The following PLBD1 variants were observed in gnomAD, a reference collection of about 807,000 sequenced individuals.
PLBD1 encodes the protein lysosomal leucine aminopeptidase.
In PLBD1, 60 loss-of-function variants were observed where a neutral mutation model predicts 63.0. The observed-to-expected ratio is 0.95, with a 90% CI of 0.77 to 1.18. The LOEUF (loss-of-function observed/expected upper bound fraction) is 1.18. Ranked by LOEUF, PLBD1 falls within the 50% of genes most tolerant of loss-of-function variation. PLBD1 has a pLI of 0.00. For missense variants in PLBD1, 598 were observed against 677.9 expected (o/e 0.88, Z 1.31); for synonymous variants, 262 against 248.0 (o/e 1.06, Z -0.53).
chr12:14,540,419 G>A (rs11056018), intron 4 of PLBD1, among the ~76,000 whole-genome samples: 44,193 of 151,480 alleles, frequency 0.29, 6,878 homozygotes, highest in South Asian at 0.52. Context: ...CATAGAACTT[G>A]TATACTTAAA....
chr12:14,563,742 G>C (rs1945760542), intron 1 of PLBD1, among the ~76,000 whole-genome samples: 1 of 151,476 alleles, frequency 6.6e-6, no homozygotes, highest in Non-Finnish European at 1.5e-5. Flanking sequence ...AGTACATATA[G>C]AGAAAATAAC....
intron 6 of PLBD1, among the ~76,000 whole-genome samples, chr12:14,524,885 T>A (rs1452554206): frequency 6.6e-6 from 1 of 152,228 alleles, no homozygotes; most frequent in Non-Finnish European, 1.5e-5. Context: ...AAATTCTAGA[T>A]CTGAAAAGTA....
chr12:14,527,072 T>C (rs914011318), intron 6 of PLBD1, among the ~76,000 whole-genome samples: 1 of 152,192 alleles, frequency 6.6e-6, no homozygotes, highest in African/African-American at 2.4e-5. Flanking sequence ...TTAGAACATA[T>C]ATATATTTTG....
chr12:14,507,297 C>T (rs1945264391), intron 8 of PLBD1, among the ~76,000 whole-genome samples, 179 bp from the exon 9 acceptor site: 1 of 152,152 alleles, frequency 6.6e-6, no homozygotes, highest in African/African-American at 2.4e-5. Context: ...GCCAAACAGC[C>T]TTTTAAATTT....
intron 2 of PLBD1, among the ~76,000 whole-genome samples, chr12:14,552,858 T>C (rs968979446): frequency 1.3e-5 from 2 of 152,182 alleles, no homozygotes; most frequent in African/African-American, 4.8e-5. Context: ...CAGGTACTGA[T>C]TATGGGAGCA....
At chr12:14,540,106 T>TTTTTTATATATATATATA (rs71448876) in intron 4 of PLBD1, among the ~76,000 whole-genome samples, 82 of 64,032 alleles carry the variant, frequency 1.3e-3, no homozygotes, top group African/African-American at 4.2e-3. Flanking sequence ...AATATAAATA[T>TTTTTTATATATATATATA]TATTTATATA....
At chr12:14,557,440 G>T (rs1285694561) in intron 1 of PLBD1, among the ~76,000 whole-genome samples, 2 of 152,132 alleles carry the variant, frequency 1.3e-5, no homozygotes, top group Non-Finnish European at 2.9e-5. Flanking sequence ...ACTGGATAAA[G>T]AAATTGTGGT....
chr12:14,511,751 A>G (rs1945300159), intron 6 of PLBD1, 40 bp from the exon 7 acceptor site: 1 of 1,534,110 alleles, frequency 6.5e-7, no homozygotes, highest in Non-Finnish European at 9.0e-7. Context: ...ATATGTATAC[A>G]TGGAACAGTG....
chr12:14,543,160 T>G (rs1007977470), intron 2 of PLBD1, among the ~76,000 whole-genome samples: 22 of 152,194 alleles, frequency 1.4e-4, no homozygotes, highest in African/African-American at 5.3e-4. Flanking sequence ...TTGTCCCCTC[T>G]TTCATGTTTT....
chr12:14,508,644 C>T (rs992927092), intron 8 of PLBD1, among the ~76,000 whole-genome samples: 53 of 152,086 alleles, frequency 3.5e-4, no homozygotes, highest in Non-Finnish European at 6.0e-4. Flanking sequence ...GGGGTGCACA[C>T]CTGTGGTCCC....
At chr12:14,545,696 C>T (rs1196481615) in intron 2 of PLBD1, among the ~76,000 whole-genome samples, 1 of 152,026 alleles carries the variant, frequency 6.6e-6, no homozygotes, top group Non-Finnish European at 1.5e-5. Flanking sequence ...CTAGTTGTTT[C>T]CAGAACTGAA....
intron 2 of PLBD1, among the ~76,000 whole-genome samples, chr12:14,548,309 T>C (rs1382201367): frequency 6.6e-6 from 1 of 151,612 alleles, no homozygotes; most frequent in African/African-American, 2.4e-5. Flanking sequence ...ATACAAAAAT[T>C]AGCTGGGAGT....
intron 1 of PLBD1, 55 bp downstream of exon 1, chr12:14,567,527 A>G (rs1945801127): frequency 1.4e-6 from 2 of 1,429,962 alleles, no homozygotes. Flanking sequence ...ACGGGCGCTA[A>G]CAGGCTCCTA....
At chr12:14,562,600 G>A (rs1473889384) in intron 1 of PLBD1, among the ~76,000 whole-genome samples, 2 of 151,804 alleles carry the variant, frequency 1.3e-5, no homozygotes, top group Non-Finnish European at 2.9e-5. Flanking sequence ...CTGTTTTGCA[G>A]TAGTAAAAAG....
chr12:14,537,934 C>T (rs894580245), intron 4 of PLBD1, among the ~76,000 whole-genome samples: 1 of 152,000 alleles, frequency 6.6e-6, no homozygotes, highest in Non-Finnish European at 1.5e-5. Flanking sequence ...TCTAGTTAAT[C>T]ATTTTTACTA....
intron 6 of PLBD1, among the ~76,000 whole-genome samples, chr12:14,535,397 T>C (rs1945505020): frequency 6.6e-6 from 1 of 152,228 alleles, no homozygotes; most frequent in Non-Finnish European, 1.5e-5. Flanking sequence ...CAGTTGGCAT[T>C]TGTTGAAATA....
intron 2 of PLBD1, among the ~76,000 whole-genome samples, chr12:14,552,162 A>C (rs1945664655): frequency 6.6e-6 from 1 of 152,188 alleles, no homozygotes; most frequent in Admixed American, 6.6e-5. Flanking sequence ...AGTTTGGTTA[A>C]ACTGCACTCA....
At chr12:14,534,511 G>C (rs1007070695) in intron 6 of PLBD1, among the ~76,000 whole-genome samples, 1 of 150,864 alleles carries the variant, frequency 6.6e-6, no homozygotes, top group Non-Finnish European at 1.5e-5. Context: ...TCATATGTTT[G>C]CTACCATTGT....
Position 14,547,907 on chromosome 12 carries a change from C to T in PLBD1, c.335+5286G>A, listed in dbSNP as rs118072179. On this transcript the variant is annotated intron_variant, in intron 2 of 10. Coordinates refer to ENST00000240617, the MANE Select transcript of PLBD1 (RefSeq NM_024829.6). ...ACTCTGGGGCTAGATAGCCTCCTTT[C>T]CAATCCTGGCTCCTACTCACAAGCG... Among the ~76,000 whole-genome samples, 1,354 of 152,246 alleles carry T rather than the reference C, an allele frequency of 8.9e-3. 9 individuals carry two copies. The highest frequency in any genetic ancestry group is 0.014 in the Non-Finnish European group (949 of 68,014).
Sources: gnomAD v4.1 joint callset for allele counts (sites outside exome capture counted in the v4.1 genomes callset) on GRCh38, gnomAD v4.1.1 for gene constraint, MANE v1.5 for transcripts, NCBI Gene and HGNC (gene_info 2026-07-23, HGNC 2026-07-21) for gene names.